FMNL3: variants seen among roughly 807,000 people sequenced by gnomAD.
FMNL3 encodes the protein formin-like protein 3.
In FMNL3, 57 loss-of-function variants were observed where a neutral mutation model predicts 119.6. That is an observed-to-expected ratio of 0.48 (90% CI 0.39 to 0.59). The LOEUF is 0.59. FMNL3 is among the 20% of genes least tolerant of loss of function. FMNL3 has a pLI of 0.00. For synonymous variants in FMNL3, 491 were observed against 507.3 expected, an observed-to-expected ratio of 0.97 and a Z score of 0.43; for missense variants, 1,053 against 1,323.5, an observed-to-expected ratio of 0.80 and a Z score of 3.17.
In FMNL3 at chr12:49,649,189, A is replaced by G; in HGVS notation, c.2386-31T>C. ...AGAGGGGGTGAGGGCGGTGCACAAG[A>G]GCTAAGCACTCTGGCTCCACAACTG... On this transcript the variant is annotated intron_variant, in intron 20 of 25. Transcript: ENST00000335154. The surrounding 1 kb of genome is among the most constrained non-coding windows in gnomAD (Gnocchi z 5.6). 3 of 1,612,372 alleles carry G rather than the reference A, an allele frequency of 1.9e-6. No individual in the cohort carries two copies. The highest frequency in any genetic ancestry group is 2.5e-6 in the Non-Finnish European group (3 of 1,179,076).
intron 7 of FMNL3, 35 bp from the exon 8 acceptor site, chr12:49,656,934 T>C (rs1943588616): frequency 1.3e-6 from 2 of 1,591,742 alleles, no homozygotes; most frequent in South Asian, 2.2e-5. Context: ...GGGACCTTGA[T>C]GGTGGGGAAG....
Position 49,637,709 on chromosome 12 carries a change from GCCCC to G in FMNL3, c.*8102_*8105del. On this transcript the variant is annotated 3_prime_UTR_variant, in exon 26 of 26. Coordinates refer to ENST00000335154, the MANE Select transcript of FMNL3 (RefSeq NM_175736.5). Reference sequence around the variant, plus strand: ...GCCTTGGGAAGCTGCCGCCCGCCAGGCCCCCCTCCCTCCCTCCTTACAGGCTCCA... The same window carrying G: ...GCCTTGGGAAGCTGCCGCCCGCCAGGCCTCCCTCCCTCCTTACAGGCTCCA... 1.3e-6 allele frequency: 2 copies of G among 1,524,190 alleles called. No homozygotes were observed. The highest frequency in any genetic ancestry group is 1.8e-6 in the Non-Finnish European group (2 of 1,106,050). 94.4% of individuals were successfully genotyped at this position (1,524,190 alleles called of 1,614,324 possible).
chr12:49,636,766 T>C lies in FMNL3; in HGVS notation c.*9049A>G. 4.3e-6 allele frequency: 7 copies of C among 1,614,112 alleles called. No homozygotes were observed. The highest frequency in any genetic ancestry group is 4.5e-5 in the East Asian group (2 of 44,880). ...CTGTTTTGAGGAGCACATCCGAGCTTTGGAGAGGGAAGAGGAGGAGGAACG... is the reference window on the plus strand; with the variant it reads ...CTGTTTTGAGGAGCACATCCGAGCTCTGGAGAGGGAAGAGGAGGAGGAACG... On this transcript the variant is annotated 3_prime_UTR_variant, in exon 26 of 26. Transcript: ENST00000335154.
intron 2 of FMNL3, among the ~76,000 whole-genome samples, chr12:49,667,176 C>A (rs894902961): frequency 3.5e-4 from 53 of 152,046 alleles, no homozygotes; most frequent in Admixed American, 2.9e-3. Flanking sequence ...AGAGCTGCCA[C>A]CACCAAGATA....
In FMNL3 at chr12:49,644,158, G is replaced by A. The variant is rs779092351; in HGVS notation, c.*1657C>T. The A allele has an allele frequency of 1.2e-5, 20 of 1,613,962 alleles. No homozygotes were observed. The highest frequency in any genetic ancestry group is 4.0e-5 in the African/African-American group (3 of 74,898). On this transcript the variant is annotated 3_prime_UTR_variant, in exon 26 of 26. Transcript: ENST00000335154. ...GAGGGTGAGCTGGAGAGGCGGCGGC[G>A]GACACTCCTACAGCAGCTGGATGAT... is the stretch of plus-strand genomic sequence containing the variant.
chr12:49,668,593 C>T (rs1323717703), intron 1 of FMNL3, 39 bp from the exon 2 acceptor site: 2 of 1,584,062 alleles, frequency 1.3e-6, no homozygotes, highest in Admixed American at 1.7e-5. Context: ...TGAAACCTCC[C>T]CTCATCTGGA....
intron 1 of FMNL3, among the ~76,000 whole-genome samples, chr12:49,674,798 G>C (rs1944140014): frequency 6.6e-6 from 1 of 152,178 alleles, no homozygotes; most frequent in African/African-American, 2.4e-5. Flanking sequence ...TGAGGACTCT[G>C]TAACCAGAAA....
chr12:49,696,058 T>C (rs531115881), intron 1 of FMNL3, among the ~76,000 whole-genome samples: 1 of 152,304 alleles, frequency 6.6e-6, no homozygotes, highest in East Asian at 1.9e-4. Flanking sequence ...TGTGAAAATA[T>C]AGCTGTCTCT....
intron 1 of FMNL3, among the ~76,000 whole-genome samples, chr12:49,706,777 G>A (rs768423895): frequency 6.6e-6 from 1 of 152,226 alleles, no homozygotes; most frequent in Non-Finnish European, 1.5e-5. Flanking sequence ...AGAAGGGGGA[G>A]GAAGAAGGAG....
intron 5 of FMNL3, among the ~76,000 whole-genome samples, chr12:49,660,891 T>C (rs1162679349): frequency 6.6e-6 from 1 of 152,228 alleles, no homozygotes; most frequent in Admixed American, 6.5e-5. Flanking sequence ...GAAGACTGCT[T>C]GAGCCCAGGA....
At chr12:49,700,488 G>A (rs1301157392) in intron 1 of FMNL3, among the ~76,000 whole-genome samples, 4 of 151,644 alleles carry the variant, frequency 2.6e-5, no homozygotes, top group African/African-American at 7.3e-5. Context: ...GCCGAGGCAG[G>A]TGGGTCGCGT....
chr12:49,651,866 G>A, intron 14 of FMNL3, 67 bp downstream of exon 14: 2 of 1,472,434 alleles, frequency 1.4e-6, no homozygotes, highest in Non-Finnish European at 9.0e-7. Context: ...GGAAGACACT[G>A]CTGACTACAG....
At chr12:49,659,441 C>T (rs1242543989) in intron 5 of FMNL3, among the ~76,000 whole-genome samples, 2 of 152,136 alleles carry the variant, frequency 1.3e-5, no homozygotes, top group Non-Finnish European at 2.9e-5. Context: ...GACAGGGTCT[C>T]ACTCTGTGGC....
intron 16 of FMNL3, 106 bp from the exon 17 acceptor site, chr12:49,650,984 T>C: frequency 6.7e-7 from 1 of 1,487,676 alleles, no homozygotes; most frequent in Non-Finnish European, 9.3e-7. Flanking sequence ...TCTGGAATAT[T>C]TCCTGAATAC....
chr12:49,695,247 C>T (rs1157065349), intron 1 of FMNL3, among the ~76,000 whole-genome samples: 2 of 152,128 alleles, frequency 1.3e-5, no homozygotes, highest in African/African-American at 4.8e-5. Flanking sequence ...GGTTCCTCCC[C>T]TAACCCTGAA....
At position 49,637,781 on chromosome 12, in the gene FMNL3, C is replaced by T. The variant is rs767662989; in HGVS notation, c.*8034G>A. The T allele has an allele frequency of 2.5e-6, 4 of 1,611,206 alleles. No individual in the cohort carries two copies. The highest frequency in any genetic ancestry group is 2.5e-6 in the Non-Finnish European group (3 of 1,178,396). ...AAGTTCTATGTGGAGGAGTTGAAGG[C>T]ACGATTCCATGATGAAAAGAAGATC... On this transcript the variant is annotated 3_prime_UTR_variant, in exon 26 of 26. Transcript: ENST00000335154.
rs746975774 is a variant in FMNL3, at chr12:49,636,690, C to A, written c.*9125G>T. Reference sequence around the variant, plus strand: ...AGAGGGTATCCTGCTGGGACAATGCCCGCGGAACCTCCTGCCTGTCTTTAG... The same window carrying A: ...AGAGGGTATCCTGCTGGGACAATGCACGCGGAACCTCCTGCCTGTCTTTAG... On this transcript the variant is annotated 3_prime_UTR_variant, in exon 26 of 26. Coordinates refer to ENST00000335154, the MANE Select transcript of FMNL3 (RefSeq NM_175736.5). 6 of 1,613,170 alleles carry A rather than the reference C, an allele frequency of 3.7e-6. No individual in the cohort carries two copies. Among genetic ancestry groups the A allele is most frequent in the Non-Finnish European group, 8.5e-7 (1 of 1,179,224 alleles).
rs1427566057 is a variant in FMNL3, at chr12:49,656,398, A to G, written c.885+6T>C. The G allele has an allele frequency of 6.2e-7, 1 of 1,613,246 alleles. No individual in the cohort carries two copies. The highest frequency in any genetic ancestry group is 8.5e-7 in the Non-Finnish European group (1 of 1,179,458). ...ACACACACACACGCGAAGCGAAAAGACTGACCTCTTTGAAATTGTCAAAGG... is the reference window on the plus strand; with the variant it reads ...ACACACACACACGCGAAGCGAAAAGGCTGACCTCTTTGAAATTGTCAAAGG... On this transcript the variant is annotated splice_donor_region_variant and intron_variant, in intron 9 of 25. Transcript: ENST00000335154.
chr12:49,661,779 T>C (rs1943740219), intron 5 of FMNL3, 187 bp downstream of exon 5: 2 of 607,568 alleles, frequency 3.3e-6, no homozygotes, highest in East Asian at 5.6e-5. Context: ...AGTGCCATTC[T>C]TCACTGATCC....
Sources: gnomAD v4.1 joint callset for allele counts (sites outside exome capture counted in the v4.1 genomes callset) on GRCh38, gnomAD v4.1.1 for gene constraint, Gnocchi (gnomAD v3.1) non-coding constraint, MANE v1.5 for transcripts, NCBI Gene and HGNC (gene_info 2026-07-23, HGNC 2026-07-21) for gene names.